The following TANC2 variants were observed in gnomAD, a reference collection of about 807,000 sequenced individuals.
TANC2 encodes the protein tetratricopeptide repeat, ankyrin repeat and coiled-coil containing 2.
TANC2 carries 26 observed loss-of-function variants against 210.5 expected under a neutral mutation model. That is an observed-to-expected ratio of 0.12 (90% CI 0.09 to 0.17). The LOEUF is 0.17. Ranked by LOEUF, TANC2 falls within the 10% of genes least tolerant of loss-of-function variation. The pLI is 1.00. For missense variants in TANC2, 2,129 were observed against 2,608.9 expected (o/e 0.82, Z 4.01); for synonymous variants, 931 against 967.1 (o/e 0.96, Z 0.69).
At chr17:63,165,196 C>G (rs1164005170) in intron 5 of TANC2, among the ~76,000 whole-genome samples, 2 of 152,010 alleles carry the variant, frequency 1.3e-5, no homozygotes, top group Admixed American at 1.3e-4. Flanking sequence ...AACGCTTCAG[C>G]CCAGGAGTTT....
chr17:62,983,581 A>G (rs1190648349), intron 1 of TANC2, among the ~76,000 whole-genome samples: 1 of 152,126 alleles, frequency 6.6e-6, no homozygotes, highest in Non-Finnish European at 1.5e-5. Flanking sequence ...TTACCCATTC[A>G]GTATGATGTT....
intron 1 of TANC2, among the ~76,000 whole-genome samples, chr17:63,000,754 AATTTAG>A (rs1185528749): frequency 6.6e-6 from 1 of 152,126 alleles, no homozygotes; most frequent in Non-Finnish European, 1.5e-5. Context: ...AGCAGGGTAA[AATTTAG>A]ATTTACATTA....
chr17:63,391,469 A>G (rs554061262), intron 17 of TANC2: 5 of 152,340 alleles, frequency 3.3e-5, no homozygotes, highest in East Asian at 1.9e-4. Context: ...CTTTTCATCT[A>G]TAAAAAGGGT....
intron 14 of TANC2, among the ~76,000 whole-genome samples, chr17:63,364,814 C>A (rs1233076985): frequency 1.3e-5 from 2 of 151,818 alleles, no homozygotes; most frequent in East Asian, 3.9e-4. Flanking sequence ...ACAGAACAGC[C>A]AACTAATGAA....
intron 2 of TANC2, among the ~76,000 whole-genome samples, chr17:63,049,785 CA>C (rs1598314553): frequency 1.3e-5 from 2 of 152,186 alleles, no homozygotes; most frequent in East Asian, 3.9e-4. Flanking sequence ...GCAGAGAAAC[CA>C]GGTTAGTCAT....
In TANC2 at chr17:63,388,753, T is replaced by C. The variant is rs1238900314; in HGVS notation, c.2810T>C (p.Ile937Thr). The C allele has an allele frequency of 6.6e-7, 1 of 1,525,442 alleles. No individual in the cohort carries two copies. Among genetic ancestry groups the C allele is most frequent in the South Asian group, 1.3e-5 (1 of 76,620 alleles). The allele number at this position is 1,525,442 out of a possible 1,614,324, so 94.5% of individuals were successfully genotyped here. A position where few individuals can be genotyped will look rare whatever the true frequency, so the allele number is the denominator to read the frequency against. ...TTACGAAATCTCTACACTCCAAATA[T>C]AAAGGTAAATTTATAAAGAAATTAT... Residue 937 changes from isoleucine (I) to threonine (T), a missense_variant, in exon 16 of 28, where the codon ATA becomes ACA. Ile to Thr is a moderately conservative substitution (Grantham distance 89). Coordinates refer to ENST00000689528, the Ensembl canonical transcript of TANC2.
At chr17:63,041,332 T>C (rs149796354) in intron 2 of TANC2, among the ~76,000 whole-genome samples, 35 of 152,302 alleles carry the variant, frequency 2.3e-4, no homozygotes, top group Non-Finnish European at 4.1e-4. Flanking sequence ...TTGAAATGTT[T>C]CATGGATCTA....
At chr17:63,195,479 C>T (rs1008213607) in intron 6 of TANC2, among the ~76,000 whole-genome samples, 4 of 152,176 alleles carry the variant, frequency 2.6e-5, no homozygotes, top group Admixed American at 1.3e-4. Flanking sequence ...CTGATCCCTT[C>T]TCACTATTCC....
At position 63,320,073 on chromosome 17, in the gene TANC2, G is replaced by T. The variant is rs563120619; in HGVS notation, c.1575+983G>T. On this transcript the variant is annotated intron_variant, in intron 11 of 27. Coordinates refer to ENST00000689528, the Ensembl canonical transcript of TANC2. ...TACAATTATTGCATGATTTTTGGCTGAATCCATATTATATATAGTATTTTC... is the reference window on the plus strand; with the variant it reads ...TACAATTATTGCATGATTTTTGGCTTAATCCATATTATATATAGTATTTTC... 9.2e-5 allele frequency among the ~76,000 whole-genome samples: 14 copies of T among 152,198 alleles called. No individual in the cohort carries two copies. In the South Asian group the frequency reaches 2.9e-3, roughly 32 times the overall value.
intron 2 of TANC2, among the ~76,000 whole-genome samples, chr17:63,064,192 C>T (rs549029907): frequency 1.3e-5 from 2 of 152,258 alleles, no homozygotes; most frequent in East Asian, 1.9e-4. Flanking sequence ...CAGTGGCTCA[C>T]ACCTGTAATC....
intron 27 of TANC2, among the ~76,000 whole-genome samples, 180 bp from the exon 28 acceptor site, chr17:63,419,819 C>A (rs763539073): frequency 6.6e-6 from 1 of 152,156 alleles, no homozygotes; most frequent in African/African-American, 2.4e-5. Context: ...GGGAATCATT[C>A]GGACTCTTCC....
intron 8 of TANC2, among the ~76,000 whole-genome samples, chr17:63,255,576 C>A (rs1438025880): frequency 6.6e-6 from 1 of 152,106 alleles, no homozygotes; most frequent in African/African-American, 2.4e-5. Context: ...TCCATTTCTT[C>A]AAGGTTTTCC....
At chr17:63,159,717 G>A (rs1371829897) in intron 5 of TANC2, among the ~76,000 whole-genome samples, 6 of 152,264 alleles carry the variant, frequency 3.9e-5, no homozygotes, top group Admixed American at 6.5e-5. Flanking sequence ...GAGGATATAC[G>A]TAGGATATAT....
intron 7 of TANC2, among the ~76,000 whole-genome samples, chr17:63,207,821 A>G (rs1053745689): frequency 1.3e-5 from 2 of 152,240 alleles, no homozygotes; most frequent in Non-Finnish European, 2.9e-5. Context: ...TTATGAAACT[A>G]TACCAGTTTA....
chr17:63,077,389 C>G (rs954246100), intron 3 of TANC2, among the ~76,000 whole-genome samples: 2 of 151,942 alleles, frequency 1.3e-5, no homozygotes, highest in South Asian at 2.1e-4. Context: ...AAAAAGTCAG[C>G]CAAATGAAAG....
chr17:63,044,412 AGTTT>A (rs1378129449), intron 2 of TANC2, among the ~76,000 whole-genome samples: 2 of 152,084 alleles, frequency 1.3e-5, no homozygotes, highest in East Asian at 1.9e-4. Flanking sequence ...TTAGAAACTT[AGTTT>A]GTTTCTTTTA....
chr17:63,098,477 CACA>C (rs2037485968), intron 3 of TANC2, among the ~76,000 whole-genome samples: 3 of 30,414 alleles, frequency 9.9e-5, no homozygotes, highest in East Asian at 3.4e-4. Flanking sequence ...CACACACACA[CACA>C]TACACTCTCT....
intron 1 of TANC2, among the ~76,000 whole-genome samples, chr17:62,980,486 A>G (rs1451411983): frequency 6.6e-6 from 1 of 152,214 alleles, no homozygotes; most frequent in African/African-American, 2.4e-5. Context: ...TGGTACATAT[A>G]TTCCAAAATC....
At chr17:63,411,463 G>A (rs2048701183) in intron 21 of TANC2, 48 bp from the exon 22 acceptor site, 6 of 1,551,110 alleles carry the variant, frequency 3.9e-6, no homozygotes, top group African/African-American at 2.7e-5. Flanking sequence ...CCCTCCTGCT[G>A]TGTGATTCCA....
Sources: gnomAD v4.1 joint callset for allele counts (sites outside exome capture counted in the v4.1 genomes callset) on GRCh38, gnomAD v4.1.1 for gene constraint, MANE v1.5 for transcripts, NCBI Gene and HGNC (gene_info 2026-07-23, HGNC 2026-07-21) for gene names.